TRIM14: variants seen among roughly 807,000 people sequenced by gnomAD.
TRIM14 encodes the protein tripartite motif containing 14.
In TRIM14, 28 loss-of-function variants were observed where a neutral mutation model predicts 44.5. The ratio of observed to expected loss-of-function variants is 0.63; its 90% CI spans 0.47 to 0.86. The LOEUF (loss-of-function observed/expected upper bound fraction) is 0.86. Ranked by LOEUF, TRIM14 falls within the 40% of genes least tolerant of loss-of-function variation. The pLI, the probability that TRIM14 is intolerant of heterozygous loss-of-function variation, is 0.00. For missense variants in TRIM14, 607 were observed against 611.1 expected, an observed-to-expected ratio of 0.99 and a Z score of 0.07; for synonymous variants, 299 against 269.2, an observed-to-expected ratio of 1.11 and a Z score of -1.08.
chr9:98,068,189 C>T (rs552701212), downstream of TRIM14, among the ~76,000 whole-genome samples: 2 of 152,246 alleles, frequency 1.3e-5, no homozygotes, highest in South Asian at 2.1e-4. Context: ...GACTGGAGTG[C>T]AGTGGTATAA....
the TRIM14 span, among the ~76,000 whole-genome samples, chr9:98,046,853 CTT>C: frequency 6.8e-6 from 1 of 146,570 alleles, no homozygotes; most frequent in Non-Finnish European, 1.6e-5. Flanking sequence ...GCCTTGTACT[CTT>C]TGCTGACAGC....
the TRIM14 span, among the ~76,000 whole-genome samples, chr9:98,051,953 T>G: frequency 2.6e-3 from 396 of 152,242 alleles, 10 homozygotes; most frequent in East Asian, 0.07. Flanking sequence ...AGCGTGCTTC[T>G]TTGATCCAAG....
chr9:98,088,190 A>G (rs993822446), intron 5 of TRIM14, among the ~76,000 whole-genome samples, 185 bp from the exon 6 acceptor site: 1 of 152,182 alleles, frequency 6.6e-6, no homozygotes, highest in African/African-American at 2.4e-5. Flanking sequence ...AAGGGGAAGA[A>G]GAGATCACTC....
At chr9:98,066,216 A>C (rs1031850053), downstream of TRIM14, among the ~76,000 whole-genome samples, 3 of 152,220 alleles carry the variant, frequency 2.0e-5, no homozygotes, top group East Asian at 5.8e-4. Flanking sequence ...AGTAATGAGA[A>C]GTATATGAAG....
chr9:98,077,646 A>G (rs1324615895), intron 6 of TRIM14, among the ~76,000 whole-genome samples: 1 of 152,156 alleles, frequency 6.6e-6, no homozygotes, highest in African/African-American at 2.4e-5. Context: ...TGAGTTTGAG[A>G]CCGCAGTGGG....
At chr9:98,056,778 G>A in the TRIM14 span, 9 of 1,605,774 alleles carry the variant, frequency 5.6e-6, no homozygotes, top group African/African-American at 1.2e-4. Flanking sequence ...ACCCAGACTG[G>A]TAGTGAGGCT....
intron 2 of TRIM14, among the ~76,000 whole-genome samples, chr9:98,101,138 G>A (rs923020807): frequency 6.6e-6 from 1 of 151,942 alleles, no homozygotes; most frequent in African/African-American, 2.4e-5. Context: ...ACCACACATA[G>A]GTAATTTTGT....
At chr9:98,061,251 T>A in the TRIM14 span, 2 of 449,724 alleles carry the variant, frequency 4.4e-6, no homozygotes, top group South Asian at 5.0e-5. Flanking sequence ...CTGAGGGGGA[T>A]GGATCACCTG....
chr9:98,097,593 A>C (rs1826232132), intron 3 of TRIM14, among the ~76,000 whole-genome samples: 2 of 152,240 alleles, frequency 1.3e-5, no homozygotes, highest in Non-Finnish European at 2.9e-5. Flanking sequence ...GCTGTATTGT[A>C]AATAACTGTT....
At chr9:98,100,266 A>G (rs950240170) in intron 2 of TRIM14, 102 bp from the exon 3 acceptor site, 40 of 1,043,620 alleles carry the variant, frequency 3.8e-5, no homozygotes, top group Non-Finnish European at 5.4e-5. Flanking sequence ...TGAGTTCAGT[A>G]AAGTGGCCAG....
At chr9:98,105,996 G>A (rs533246254) in intron 2 of TRIM14, among the ~76,000 whole-genome samples, 2 of 152,244 alleles carry the variant, frequency 1.3e-5, no homozygotes, top group Non-Finnish European at 2.9e-5. Flanking sequence ...CCAAATTCAC[G>A]GAAACTCAAA....
At chr9:98,096,260 G>T (rs1454519585) in intron 3 of TRIM14, among the ~76,000 whole-genome samples, 1 of 152,190 alleles carries the variant, frequency 6.6e-6, no homozygotes, top group Non-Finnish European at 1.5e-5. Flanking sequence ...CAGCCTAGGA[G>T]GCCAGGAGTC....
chr9:98,092,210 C>T (rs866570128), intron 4 of TRIM14, among the ~76,000 whole-genome samples: 26 of 152,112 alleles, frequency 1.7e-4, no homozygotes, highest in Admixed American at 1.6e-3. Flanking sequence ...GGAGCTGAGG[C>T]GCGAACAACT....
the TRIM14 span, among the ~76,000 whole-genome samples, chr9:98,058,207 A>G: frequency 6.6e-6 from 1 of 151,802 alleles, no homozygotes; most frequent in African/African-American, 2.4e-5. Flanking sequence ...GTGAGCCACC[A>G]CCCTCGGCCC....
At chr9:98,043,634 A>G in the TRIM14 span, among the ~76,000 whole-genome samples, 52,380 of 151,490 alleles carry the variant, frequency 0.35, 10,372 homozygotes, top group African/African-American at 0.54. Context: ...AAATACACAC[A>G]CACAGACACA....
the TRIM14 span, among the ~76,000 whole-genome samples, chr9:98,039,393 TC>T: frequency 6.6e-6 from 1 of 152,202 alleles, no homozygotes; most frequent in African/African-American, 2.4e-5. Flanking sequence ...CCTTGTTCAT[TC>T]CTGGGCGTAG....
chr9:98,078,323 G>A, intron 6 of TRIM14: 2 of 1,614,024 alleles, frequency 1.2e-6, no homozygotes, highest in Non-Finnish European at 1.7e-6. Context: ...TCCAGCCTGA[G>A]GACGTCAACC....
Position 98,119,143 on chromosome 9 carries a change from G to A in TRIM14, c.46C>T (p.Leu16Phe), listed in dbSNP as rs375930099. 3.4e-5 allele frequency: 54 copies of A among 1,585,682 alleles called. No homozygotes were observed. The highest frequency in any genetic ancestry group is 4.3e-5 in the Non-Finnish European group (51 of 1,175,454). ...CAGCGCCAGCCGCATCCCTCGACAA[G>A]CTCCGACCTCCCAGGGGTCCGGCTC... ...TGSRTPGRSELVEGCGWRCPE... is the reference protein window; with the variant it reads ...TGSRTPGRSEFVEGCGWRCPE... Residue 16 changes from leucine (L) to phenylalanine (F), a missense_variant, in exon 1 of 6, where the codon CTT (leucine) becomes TTT (phenylalanine). Coordinates refer to ENST00000341469, the MANE Select transcript of TRIM14 (RefSeq NM_014788.4).
chr9:98,057,922 G>GTTTT, the TRIM14 span, among the ~76,000 whole-genome samples: 404 of 78,096 alleles, frequency 5.2e-3, 11 homozygotes, highest in Non-Finnish European at 6.5e-3. Flanking sequence ...TTTTTTCCTG[G>GTTTT]TTTTTTTTTT....
Sources: gnomAD v4.1 joint callset for allele counts (sites outside exome capture counted in the v4.1 genomes callset) on GRCh38, gnomAD v4.1.1 for gene constraint, MANE v1.5 for transcripts, NCBI Gene and HGNC (gene_info 2026-07-23, HGNC 2026-07-21) for gene names.